Variants in MEGF11 observed in about 807,000 individuals in gnomAD.
MEGF11 encodes multiple epidermal growth factor-like domains protein 11.
Under a neutral mutation model 146.6 loss-of-function variants are expected in MEGF11, and 126 were observed. The ratio of observed to expected loss-of-function variants is 0.86; its 90% CI spans 0.74 to 1.00. MEGF11 has a LOEUF of 1.00. Among genes scored for constraint, MEGF11 ranks in the 50% least tolerant of loss-of-function variants. The pLI is 0.00. For synonymous variants in MEGF11, 532 were observed against 583.4 expected, an observed-to-expected ratio of 0.91 and a Z score of 1.27; for missense variants, 1,509 against 1,521.2, an observed-to-expected ratio of 0.99 and a Z score of 0.13.
intron 1 of MEGF11, among the ~76,000 whole-genome samples, chr15:66,130,046 C>T (rs557968937): frequency 1.4e-4 from 22 of 152,286 alleles, no homozygotes; most frequent in African/African-American, 4.8e-4. Context: ...CCCTAGCCCA[C>T]TCCTCCATCC....
intron 4 of MEGF11, among the ~76,000 whole-genome samples, chr15:66,108,474 G>GAA (rs1318808509): frequency 6.6e-6 from 1 of 151,996 alleles, no homozygotes; most frequent in Admixed American, 6.6e-5. Flanking sequence ...ATAGTGCAAA[G>GAA]AAAAAAACAA....
At chr15:66,218,528 CT>C (rs2091644095) in intron 1 of MEGF11, among the ~76,000 whole-genome samples, 6 of 152,192 alleles carry the variant, frequency 3.9e-5, no homozygotes, top group Admixed American at 2.6e-4. Context: ...ACCCTCCCTG[CT>C]CCAAGGAGTT....
chr15:66,070,280 A>G (rs534972906), intron 5 of MEGF11, among the ~76,000 whole-genome samples: 1 of 152,288 alleles, frequency 6.6e-6, no homozygotes, highest in African/African-American at 2.4e-5. Flanking sequence ...TGCCCCTTCA[A>G]TCAGAGCTTG....
At chr15:65,948,613 C>T (rs2080282939) in intron 10 of MEGF11, among the ~76,000 whole-genome samples, 1 of 152,170 alleles carries the variant, frequency 6.6e-6, no homozygotes, top group African/African-American at 2.4e-5. Context: ...TCTCCACAAC[C>T]ACATAATAAA....
chr15:66,110,547 T>C (rs1361421267), intron 4 of MEGF11, among the ~76,000 whole-genome samples: 1 of 152,192 alleles, frequency 6.6e-6, no homozygotes, highest in Non-Finnish European at 1.5e-5. Context: ...CGCTAGACCA[T>C]GTGCTTCTTA....
intron 1 of MEGF11, among the ~76,000 whole-genome samples, chr15:66,240,407 A>C (rs906830868): frequency 1.3e-5 from 2 of 152,352 alleles, no homozygotes; most frequent in African/African-American, 4.8e-5. Flanking sequence ...GGACTTACAG[A>C]AAGGCCACGA....
chr15:66,116,256 C>T (rs1367967217), intron 4 of MEGF11, among the ~76,000 whole-genome samples: 1 of 152,156 alleles, frequency 6.6e-6, no homozygotes, highest in African/African-American at 2.4e-5. Flanking sequence ...AGTCTCTGGG[C>T]TGTTATGGAA....
intron 5 of MEGF11, among the ~76,000 whole-genome samples, chr15:66,015,211 T>C (rs2082846410): frequency 6.6e-6 from 1 of 152,112 alleles, no homozygotes; most frequent in African/African-American, 2.4e-5. Flanking sequence ...TCACCAGCAA[T>C]TGCTCTTTTG....
chr15:66,237,634 C>G (rs78568574), intron 1 of MEGF11, among the ~76,000 whole-genome samples: 2 of 152,184 alleles, frequency 1.3e-5, no homozygotes, highest in African/African-American at 4.8e-5. Flanking sequence ...GGACCTCCTT[C>G]CTGGAGTAGT....
chr15:65,987,312 C>G (rs904445915), intron 5 of MEGF11, among the ~76,000 whole-genome samples: 1 of 152,056 alleles, frequency 6.6e-6, no homozygotes, highest in Non-Finnish European at 1.5e-5. Context: ...TGGGCTTAAA[C>G]AGCCACCCTT....
intron 1 of MEGF11, among the ~76,000 whole-genome samples, chr15:66,218,170 G>T (rs1203780622): frequency 2.0e-5 from 3 of 152,134 alleles, no homozygotes; most frequent in African/African-American, 7.2e-5. Flanking sequence ...TTAAAAATGG[G>T]GGAAAAATCA....
chr15:66,082,472 T>C, intron 5 of MEGF11, among the ~76,000 whole-genome samples: 1 of 92,178 alleles, frequency 1.1e-5, no homozygotes, highest in Non-Finnish European at 2.0e-5. Flanking sequence ...AAAAAATCTA[T>C]CTATCTATCT....
intron 4 of MEGF11, among the ~76,000 whole-genome samples, chr15:66,095,712 AT>A (rs1411740354): frequency 2.0e-5 from 3 of 152,128 alleles, no homozygotes; most frequent in Non-Finnish European, 4.4e-5. Flanking sequence ...GCCATTTCAC[AT>A]GCCCCACTGG....
chr15:65,932,539 GGGTA>G (rs1482483312), intron 10 of MEGF11, among the ~76,000 whole-genome samples: 2 of 152,104 alleles, frequency 1.3e-5, no homozygotes, highest in African/African-American at 4.8e-5. Context: ...GAGAAGAGTG[GGGTA>G]AAGGGGATCC....
At chr15:66,089,937 G>A (rs1542530) in intron 5 of MEGF11, among the ~76,000 whole-genome samples, 146,621 of 152,282 alleles carry the variant, frequency 0.96, 70,821 homozygotes, top group East Asian at 1. Flanking sequence ...ACTCTTCATT[G>A]TTATATGGGA....
intron 5 of MEGF11, among the ~76,000 whole-genome samples, chr15:66,066,533 C>T (rs1404358814): frequency 6.6e-6 from 1 of 152,254 alleles, no homozygotes; most frequent in African/African-American, 2.4e-5. Flanking sequence ...ACCAAGCTGT[C>T]CTCCCTGGCT....
At chr15:66,149,541 C>T (rs1463516617) in intron 1 of MEGF11, among the ~76,000 whole-genome samples, 1 of 152,188 alleles carries the variant, frequency 6.6e-6, no homozygotes, top group Non-Finnish European at 1.5e-5. Context: ...CCCCCTCCAC[C>T]TCCCCAGCAG....
intron 4 of MEGF11, among the ~76,000 whole-genome samples, chr15:66,103,748 A>C (rs544942080): frequency 2.0e-5 from 3 of 152,294 alleles, no homozygotes; most frequent in African/African-American, 7.2e-5. Flanking sequence ...GAGGAAAGGG[A>C]AACTCAGAAA....
intron 15 of MEGF11, among the ~76,000 whole-genome samples, chr15:65,919,780 C>T (rs146209250): frequency 0.013 from 1,915 of 152,230 alleles, 25 homozygotes; most frequent in South Asian, 0.021. Context: ...CCACCATGTC[C>T]GGCTAATTTT....
Sources: allele counts gnomAD v4.1 joint callset (sites outside exome capture counted in the v4.1 genomes callset), GRCh38; gene constraint gnomAD v4.1.1; transcripts MANE v1.5; gene names NCBI Gene and HGNC (gene_info 2026-07-23, HGNC 2026-07-21).